Variants in LTA4H observed in about 807,000 individuals in gnomAD.
LTA4H encodes leukotriene A4 hydrolase, also known as leukotriene A-4 hydrolase.
In LTA4H, 59 loss-of-function variants were observed where a neutral mutation model predicts 89.8. That is an observed-to-expected ratio of 0.66 (90% confidence interval 0.53 to 0.82). The LOEUF is 0.82. LTA4H is among the 40% of genes least tolerant of loss of function. The probability of loss-of-function intolerance (pLI) is 0.00; values close to 1 mark genes in which losing one functional copy is unlikely to be tolerated. For missense variants in LTA4H, 617 were observed against 727.0 expected, an observed-to-expected ratio of 0.85 and a Z score of 1.74; for synonymous variants, 227 against 253.1, an observed-to-expected ratio of 0.90 and a Z score of 0.98.
intron 16 of LTA4H, among the ~76,000 whole-genome samples, chr12:96,004,449 G>C (rs978921545): frequency 6.6e-6 from 1 of 152,138 alleles, no homozygotes; most frequent in Non-Finnish European, 1.5e-5. Flanking sequence ...TCTTTCCCTA[G>C]GGGGAAAATA....
At chr12:96,017,474 A>G in intron 9 of LTA4H, 83 bp downstream of exon 9, 1 of 1,182,278 alleles carries the variant, frequency 8.5e-7, no homozygotes, top group South Asian at 1.3e-5. Context: ...CATATCTTTA[A>G]CATAAAAATA....
At position 96,003,385 on chromosome 12, in the gene LTA4H, T is replaced by C. The variant is rs541002231; in HGVS notation, c.1614-321A>G. On this transcript the variant is annotated intron_variant, in intron 17 of 18. Coordinates refer to ENST00000228740, the MANE Select transcript of LTA4H (RefSeq NM_000895.3). ...TTTGGTTTAAGCCTCACATTACAAA[T>C]TTGAATTAAGAAAGATCAGGTAGGT... Among the ~76,000 whole-genome samples the C allele has an allele frequency of 2.0e-5, 3 of 152,312 alleles. No homozygotes were observed. In the South Asian group the frequency reaches 6.2e-4, roughly 32 times the overall value.
At chr12:96,007,508 G>T (rs917807861) in intron 15 of LTA4H, among the ~76,000 whole-genome samples, 1 of 152,108 alleles carries the variant, frequency 6.6e-6, no homozygotes, top group African/African-American at 2.4e-5. Context: ...TTATGCTAGT[G>T]GTGGGTCACA....
chr12:96,012,969 G>A (rs1950325364), intron 14 of LTA4H: 2 of 476,806 alleles, frequency 4.2e-6, no homozygotes, highest in East Asian at 6.1e-5. Context: ...CCATCCTTGT[G>A]CAGAAAGGAG....
Position 96,035,295 on chromosome 12 carries a change from C to A in LTA4H, c.159+66G>T, listed in dbSNP as rs1168268120. The A allele has an allele frequency of 2.7e-6, 4 of 1,496,122 alleles. No individual in the cohort carries two copies. In the South Asian group the frequency reaches 5.1e-5, roughly 19 times the overall value. The allele number at this position is 1,496,122 out of a possible 1,614,324, so 92.7% of individuals were successfully genotyped here. On this transcript the variant is annotated intron_variant, in intron 1 of 18. Coordinates refer to ENST00000228740, the MANE Select transcript of LTA4H (RefSeq NM_000895.3). ...GGTGAGCCGGAGATCCGGGAGCCCG[C>A]AAGGACTAGGGTCGAGGGGCAGGGA...
At chr12:96,019,036 T>C in intron 7 of LTA4H, 132 bp downstream of exon 7, 2 of 1,157,028 alleles carry the variant, frequency 1.7e-6, no homozygotes, top group Non-Finnish European at 2.5e-6. Context: ...AAAAAGAATG[T>C]AGCAACTACA....
At chr12:96,036,112 T>G (rs1592903765), upstream of LTA4H, among the ~76,000 whole-genome samples, 1 of 122,936 alleles carries the variant, frequency 8.1e-6, no homozygotes, top group South Asian at 3.4e-4. Flanking sequence ...TTGTTTTTTG[T>G]TTTTAGCTGT....
At chr12:96,007,821 T>TA (rs1950226917) in intron 15 of LTA4H, among the ~76,000 whole-genome samples, 1 of 152,294 alleles carries the variant, frequency 6.6e-6, no homozygotes, top group Middle Eastern at 3.4e-3. Context: ...CTCACACTGT[T>TA]AAAAAATCCT....
At chr12:96,016,855 G>A (rs1028697232) in intron 10 of LTA4H, among the ~76,000 whole-genome samples, 189 bp downstream of exon 10, 15 of 151,032 alleles carry the variant, frequency 9.9e-5, no homozygotes, top group African/African-American at 2.9e-4. Flanking sequence ...GAGCTAGATC[G>A]CACCACTGCA....
At position 96,022,401 on chromosome 12, in the gene LTA4H, T is replaced by A; in HGVS notation, c.481-150A>T. The stretch of plus-strand genomic sequence containing the variant: ...AGTATATACATATACAAAAAGTATA[T>A]ATATACACACACATATATATGAACA... On this transcript the variant is annotated intron_variant, in intron 4 of 18. Transcript: ENST00000228740. This position sits in a 1 kb window ranked among gnomAD's most constrained non-coding sequence, Gnocchi z 4.0. 1 of 588,744 alleles carries A rather than the reference T, an allele frequency of 1.7e-6. No homozygotes were observed. The allele number at this position is 588,744 out of a possible 1,614,324, so 36.5% of individuals were successfully genotyped here.
At chr12:96,041,920 C>T (rs1592907034) in intron 1 of LTA4H, among the ~76,000 whole-genome samples, 2 of 151,820 alleles carry the variant, frequency 1.3e-5, no homozygotes, top group Admixed American at 6.6e-5. Flanking sequence ...GGATTACAGG[C>T]GTGAGCCACC....
At chr12:96,019,092 A>C in intron 7 of LTA4H, 76 bp downstream of exon 7, 4 of 1,376,032 alleles carry the variant, frequency 2.9e-6, no homozygotes, top group Non-Finnish European at 4.0e-6. Context: ...ATCACTTAAA[A>C]CCATCACATT....
intron 14 of LTA4H, chr12:96,010,288 G>A (rs543065828): frequency 5.3e-5 from 8 of 152,308 alleles, no homozygotes; most frequent in Admixed American, 3.9e-4. Flanking sequence ...AAAGTAAAGA[G>A]CAAAACCAGA....
In LTA4H at chr12:96,022,571, G is replaced by T. The variant is rs1404523365; in HGVS notation, c.481-320C>A. 6.6e-6 allele frequency among the ~76,000 whole-genome samples: 1 copy of T among 152,106 alleles called. No individual in the cohort carries two copies. The highest frequency in any genetic ancestry group is 1.5e-5 in the Non-Finnish European group (1 of 68,026). On this transcript the variant is annotated intron_variant, in intron 4 of 18. Transcript: ENST00000228740. This position sits in a 1 kb window ranked among gnomAD's most constrained non-coding sequence, Gnocchi z 4.0. ...ATGGGAAACTGGCTTCTTTAAAAGT[G>T]AATGTGAAATTTCTATCCATTCACC...
At chr12:96,024,449 T>G in intron 4 of LTA4H, 30 bp downstream of exon 4, 1 of 1,309,680 alleles carries the variant, frequency 7.6e-7, no homozygotes, top group Non-Finnish European at 1.1e-6. Flanking sequence ...TATGCATCAT[T>G]TAATTGAGTT....
At chr12:96,028,356 C>G (rs1225724263) in intron 2 of LTA4H, among the ~76,000 whole-genome samples, 1 of 152,140 alleles carries the variant, frequency 6.6e-6, no homozygotes, top group Non-Finnish European at 1.5e-5. Flanking sequence ...ACAAGCTAGA[C>G]TTAAGTGTTT....
intron 14 of LTA4H, chr12:96,012,504 G>C (rs908715960): frequency 1.3e-5 from 2 of 152,492 alleles, no homozygotes; most frequent in African/African-American, 4.8e-5. Flanking sequence ...TTGAGCTCAG[G>C]AGTTCGAGAC....
In LTA4H at chr12:96,013,247, G is replaced by A; in HGVS notation, c.1320C>T (p.Leu440=). Residue 440 remains leucine, a synonymous_variant, in exon 14 of 19, where the codon CTC becomes CTT. Coordinates refer to ENST00000228740, the MANE Select transcript of LTA4H (RefSeq NM_000895.3). ...GCCAGGCATTCCAATCAACTTGATTGAGAACATCAACCTATGAATAGTAAG... is the reference window on the plus strand; with the variant it reads ...GCCAGGCATTCCAATCAACTTGATTAAGAACATCAACCTATGAATAGTAAG... The part of the protein sequence containing the change: ...YSYFKDKVDV[L]NQVDWNAWLY... 6.2e-7 allele frequency: 1 copy of A among 1,612,836 alleles called. No individual in the cohort carries two copies. Among genetic ancestry groups the A allele is most frequent in the Non-Finnish European group, 8.5e-7 (1 of 1,178,912 alleles).
At chr12:96,018,181 C>A (rs953740779) in intron 8 of LTA4H, among the ~76,000 whole-genome samples, 8 of 152,074 alleles carry the variant, frequency 5.3e-5, no homozygotes, top group Non-Finnish European at 7.4e-5. Context: ...TTACACAGCA[C>A]CCCCATGCCC....
Sources: allele counts gnomAD v4.1 joint callset (sites outside exome capture counted in the v4.1 genomes callset), GRCh38; gene constraint gnomAD v4.1.1; non-coding constraint Gnocchi (gnomAD v3.1); transcripts MANE v1.5; gene names NCBI Gene and HGNC (gene_info 2026-07-23, HGNC 2026-07-21).